Variants in SLC26A4 observed in about 807,000 individuals in gnomAD.
The protein encoded by SLC26A4 is solute carrier family 26 member 4, also known as pendrin.
Under a neutral mutation model 90.4 loss-of-function variants are expected in SLC26A4, and 93 were observed. That is an observed-to-expected ratio of 1.03 (90% CI 0.87 to 1.22). The LOEUF (loss-of-function observed/expected upper bound fraction) is 1.22. SLC26A4 is among the 50% of genes most tolerant of loss of function. SLC26A4 has a pLI of 0.00. For missense variants in SLC26A4, 1,127 were observed against 946.2 expected, an observed-to-expected ratio of 1.19 and a Z score of -2.51; for synonymous variants, 393 against 354.6, an observed-to-expected ratio of 1.11 and a Z score of -1.22.
intron 8 of SLC26A4, 74 bp from the exon 9 acceptor site, chr7:107,688,979 A>T (rs940551147): frequency 3.4e-6 from 5 of 1,472,742 alleles, no homozygotes; most frequent in Non-Finnish European, 4.7e-6. Flanking sequence ...CTGAGCAGAT[A>T]TAGCATTTGA....
At chr7:107,695,831 T>G in intron 12 of SLC26A4, 102 bp from the exon 13 acceptor site, 1 of 778,350 alleles carries the variant, frequency 1.3e-6, no homozygotes, top group East Asian at 2.5e-5. Context: ...AAAAAAAATG[T>G]AATTTGTTTG....
chr7:107,694,901 G>T (rs1791694315), intron 12 of SLC26A4, among the ~76,000 whole-genome samples, 185 bp downstream of exon 12: 1 of 152,160 alleles, frequency 6.6e-6, no homozygotes, highest in Non-Finnish European at 1.5e-5. Flanking sequence ...ATTTTGTGAA[G>T]ATTCTGTATC....
chr7:107,677,177 C>T (rs993607746), intron 6 of SLC26A4, among the ~76,000 whole-genome samples: 2 of 152,032 alleles, frequency 1.3e-5, no homozygotes, highest in Non-Finnish European at 2.9e-5. Flanking sequence ...GACCCTGTCT[C>T]AAACAACAAT....
chr7:107,714,680 T>C (rs1025253643), intron 20 of SLC26A4, among the ~76,000 whole-genome samples: 5 of 152,088 alleles, frequency 3.3e-5, no homozygotes, highest in African/African-American at 1.2e-4. Flanking sequence ...TATAGCACAA[T>C]AGTTTCAAGG....
chr7:107,706,818 A>G (rs1368281014), intron 18 of SLC26A4, among the ~76,000 whole-genome samples: 1 of 152,244 alleles, frequency 6.6e-6, no homozygotes, highest in East Asian at 1.9e-4. Context: ...GAGTTTCCAA[A>G]TTCTGGAAGG....
intron 10 of SLC26A4, among the ~76,000 whole-genome samples, chr7:107,693,940 G>A (rs1186774674): frequency 3.9e-5 from 6 of 152,192 alleles, no homozygotes; most frequent in Admixed American, 3.9e-4. Flanking sequence ...TGTTATCAGA[G>A]TTGCTATTAT....
intron 6 of SLC26A4, among the ~76,000 whole-genome samples, chr7:107,681,830 AC>A (rs1229682523): frequency 6.6e-6 from 1 of 152,034 alleles, no homozygotes; most frequent in Non-Finnish European, 1.5e-5. Flanking sequence ...CATGCCTGTA[AC>A]CCCAACACTT....
intron 18 of SLC26A4, among the ~76,000 whole-genome samples, chr7:107,708,141 T>G (rs1359980701): frequency 1.3e-5 from 2 of 152,190 alleles, no homozygotes; most frequent in Non-Finnish European, 2.9e-5. Context: ...TAGCCTTCCA[T>G]CAGTGTACTT....
At chr7:107,710,011 C>T in intron 18 of SLC26A4, 43 bp from the exon 19 acceptor site, 1 of 1,574,900 alleles carries the variant, frequency 6.3e-7, no homozygotes, top group Non-Finnish European at 8.7e-7. Context: ...ACAAAAATTT[C>T]TTTTCCTAGG....
intron 20 of SLC26A4, among the ~76,000 whole-genome samples, chr7:107,713,022 T>C (rs1792235260): frequency 6.6e-6 from 1 of 152,194 alleles, no homozygotes. Flanking sequence ...CCTTCCTTCA[T>C]ATGACTGATA....
At chr7:107,676,990 A>G (rs1202951266) in intron 6 of SLC26A4, among the ~76,000 whole-genome samples, 1 of 152,198 alleles carries the variant, frequency 6.6e-6, no homozygotes, top group African/African-American at 2.4e-5. Context: ...CTTGGGCAAC[A>G]TGACAAAACC....
At chr7:107,708,686 T>G (rs2129319612) in intron 18 of SLC26A4, among the ~76,000 whole-genome samples, 1 of 151,874 alleles carries the variant, frequency 6.6e-6, no homozygotes, top group African/African-American at 2.4e-5. Context: ...AGACCCCGTC[T>G]CTATTATTTT....
In SLC26A4 at chr7:107,716,780, G is replaced by C. The variant is rs1792357405; in HGVS notation, c.*1334G>C. ...TGATTGAAAACGACATCATCCCTTGGTATACTCCAGGGATTGGTTTCAGGA... is the reference window on the plus strand; with the variant it reads ...TGATTGAAAACGACATCATCCCTTGCTATACTCCAGGGATTGGTTTCAGGA... On this transcript the variant is annotated 3_prime_UTR_variant, in exon 21 of 21. Transcript: ENST00000644269. The C allele has an allele frequency of 6.6e-6, 1 of 151,982 alleles. No individual in the cohort carries two copies. Among genetic ancestry groups the C allele is most frequent in the Non-Finnish European group, 1.5e-5 (1 of 68,006 alleles). 9.4% of individuals were successfully genotyped at this position (151,982 alleles called of 1,614,324 possible).
At chr7:107,662,164 G>T (rs1017840510) in intron 2 of SLC26A4, 3 of 292,666 alleles carry the variant, frequency 1.0e-5, no homozygotes, top group Non-Finnish European at 1.9e-5. Context: ...AAATGAATAG[G>T]GAAACCCAGC....
At chr7:107,683,616 A>G in intron 8 of SLC26A4, 79 bp downstream of exon 8, 1 of 1,122,438 alleles carries the variant, frequency 8.9e-7, no homozygotes, top group Non-Finnish European at 1.3e-6. Context: ...ACCTTTTATT[A>G]CAAGCTTCAT....
At chr7:107,697,602 C>A (rs1206541684) in intron 13 of SLC26A4, among the ~76,000 whole-genome samples, 2 of 152,204 alleles carry the variant, frequency 1.3e-5, no homozygotes, top group African/African-American at 4.8e-5. Flanking sequence ...AAGCGCCAGG[C>A]ACTGGAAGAC....
At position 107,690,207 on chromosome 7, in the gene SLC26A4, C is replaced by A. The variant is rs766572560; in HGVS notation, c.1233C>A (p.Ala411=). The change falls in exon 10 of 21, where the codon GCC becomes GCA. Residue 411 remains alanine (A), a synonymous_variant. Coordinates refer to ENST00000644269, the MANE Select transcript of SLC26A4 (RefSeq NM_000441.2). Reference sequence around the variant, plus strand: ...CCACCACTGCTCTTTCCCGCACGGCCGTCCAGGAGAGCACTGGAGGAAAGA... The same window carrying A: ...CCACCACTGCTCTTTCCCGCACGGCAGTCCAGGAGAGCACTGGAGGAAAGA... The part of the protein sequence containing the change: ...FVATTALSRT[A]VQESTGGKTQ... The A allele has an allele frequency of 1.2e-6, 2 of 1,610,660 alleles. No homozygotes were observed. The highest frequency in any genetic ancestry group is 1.1e-5 in the South Asian group (1 of 90,998).
intron 20 of SLC26A4, among the ~76,000 whole-genome samples, chr7:107,714,702 A>G (rs1792293990): frequency 6.6e-6 from 1 of 152,336 alleles, no homozygotes; most frequent in East Asian, 1.9e-4. Context: ...CATGGACTTT[A>G]GAACAAGACA....
intron 9 of SLC26A4, among the ~76,000 whole-genome samples, 179 bp downstream of exon 9, chr7:107,689,379 C>A (rs181750439): frequency 3.3e-5 from 5 of 152,294 alleles, no homozygotes. Flanking sequence ...CACACTGCAT[C>A]ACTTTGCTTT....
Sources: gnomAD v4.1 joint callset for allele counts (sites outside exome capture counted in the v4.1 genomes callset) on GRCh38, gnomAD v4.1.1 for gene constraint, MANE v1.5 for transcripts, NCBI Gene and HGNC (gene_info 2026-07-23, HGNC 2026-07-21) for gene names.